Variants in PIEZO1 observed in about 807,000 individuals in gnomAD.
PIEZO1 encodes piezo type mechanosensitive ion channel component 1 (Er blood group), also known as piezo-type mechanosensitive ion channel component 1.
PIEZO1 carries 296 observed loss-of-function variants against 297.2 expected under a neutral mutation model. That is an observed-to-expected ratio of 1.00 (90% CI 0.91 to 1.10). PIEZO1 has a LOEUF of 1.10. PIEZO1 is among the 50% of genes least tolerant of loss of function. The pLI is 0.00. For synonymous variants in PIEZO1, 2,427 were observed against 1,507.5 expected (o/e 1.61, Z -14.13); for missense variants, 5,018 against 3,455.5 (o/e 1.45, Z -11.34).
chr16:88,766,062 C>T (rs1428119746), intron 1 of PIEZO1, among the ~76,000 whole-genome samples: 6 of 152,178 alleles, frequency 3.9e-5, no homozygotes, highest in Non-Finnish European at 7.3e-5. Context: ...TGTTCTCAGT[C>T]GGCAGCGTGG....
chr16:88,722,469 T>A lies in PIEZO1; in HGVS notation c.4776-72A>T, dbSNP rs541258388. The stretch of plus-strand genomic sequence containing the variant: ...CCCCAGGCTACAGGGAGGGTCAGGG[T>A]GGAAAGTGCCCACGGTCCTTTGGGG... On this transcript the variant is annotated intron_variant, in intron 35 of 50. Coordinates refer to ENST00000301015, the MANE Select transcript of PIEZO1 (RefSeq NM_001142864.4). The A allele has an allele frequency of 4.8e-6, 7 of 1,445,796 alleles. No individual in the cohort carries two copies. In the South Asian group the frequency reaches 8.3e-5, roughly 17 times the overall value. The allele number at this position is 1,445,796 out of a possible 1,614,324, so 89.6% of individuals were successfully genotyped here.
At chr16:88,784,465 A>G (rs975591014) in intron 1 of PIEZO1, among the ~76,000 whole-genome samples, 1 of 150,508 alleles carries the variant, frequency 6.6e-6, no homozygotes, top group Non-Finnish European at 1.5e-5. Flanking sequence ...CCAGATTGTC[A>G]GGAAGTCCTG....
At chr16:88,721,114 C>G (rs1912404989) in intron 39 of PIEZO1, 52 bp downstream of exon 39, 2 of 1,436,162 alleles carry the variant, frequency 1.4e-6, no homozygotes, top group South Asian at 2.8e-5. Context: ...CCTGCAGTAG[C>G]CCCACTCAGA....
At chr16:88,737,698 G>T in intron 9 of PIEZO1, 30 bp downstream of exon 9, 1 of 1,533,316 alleles carries the variant, frequency 6.5e-7, no homozygotes, top group Non-Finnish European at 8.7e-7. Flanking sequence ...CGCCCCCCAC[G>T]CTGGCGTCTC....
At chr16:88,742,498 T>C (rs370278438) in intron 2 of PIEZO1, 76 bp from the exon 3 acceptor site, 4 of 1,462,144 alleles carry the variant, frequency 2.7e-6, no homozygotes, top group African/African-American at 2.8e-5. Flanking sequence ...AGCCGGACAA[T>C]AGCCCCCAGC....
Position 88,742,451 on chromosome 16 carries a change from T to C in PIEZO1, c.161-29A>G, listed in dbSNP as rs1464420555. 2.2e-5 allele frequency: 34 copies of C among 1,532,136 alleles called. No individual in the cohort carries two copies. The East Asian group carries it at 8.3e-4, about 37-fold the overall frequency. 94.9% of individuals were successfully genotyped at this position (1,532,136 alleles called of 1,614,324 possible). ...CGGCAGAGCGAGTGGGTGAGGCTGG[T>C]CCCGGGGACGGGGAGGGGCCGCAGC... On this transcript the variant is annotated intron_variant, in intron 2 of 50. Coordinates refer to ENST00000301015, the MANE Select transcript of PIEZO1 (RefSeq NM_001142864.4).
At chr16:88,775,107 C>T (rs910037731) in intron 1 of PIEZO1, among the ~76,000 whole-genome samples, 4 of 152,174 alleles carry the variant, frequency 2.6e-5, no homozygotes, top group East Asian at 1.9e-4. Flanking sequence ...CAGGACGTAA[C>T]GGAGTGAGGG....
Position 88,736,710 on chromosome 16 carries a change from C to T in PIEZO1, c.1225G>A (p.Ala409Thr). ...TGGCCCAGGCTGTGGAGCGGAGACGCCTCCCTGGGCTCAGCCCGCTTGGGC... is the reference window on the plus strand; with the variant it reads ...TGGCCCAGGCTGTGGAGCGGAGACGTCTCCCTGGGCTCAGCCCGCTTGGGC... ...VRPKRAEPRE[A>T]SPLHSLGHLI... Residue 409 changes from alanine (A) to threonine (T), a missense_variant, in exon 11 of 51, where the codon GCG becomes ACG. By Grantham distance (58) the Ala-to-Thr change is moderately conservative. Coordinates refer to ENST00000301015, the MANE Select transcript of PIEZO1 (RefSeq NM_001142864.4). 6.5e-7 allele frequency: 1 copy of T among 1,532,624 alleles called. No individual in the cohort carries two copies. The highest frequency in any genetic ancestry group is 8.7e-7 in the Non-Finnish European group (1 of 1,145,314). The allele number at this position is 1,532,624 out of a possible 1,614,324, so 94.9% of individuals were successfully genotyped here.
intron 16 of PIEZO1, 42 bp downstream of exon 16, chr16:88,734,314 G>C (rs773734194): frequency 1.4e-6 from 2 of 1,460,194 alleles, no homozygotes; most frequent in East Asian, 5.0e-5. Context: ...GGCCCAGGAG[G>C]CTACACCTCT....
chr16:88,727,621 G>C lies in PIEZO1; in HGVS notation c.3237C>G (p.Ser1079=). The C allele has an allele frequency of 6.6e-7, 1 of 1,522,654 alleles. No individual in the cohort carries two copies. Among genetic ancestry groups the C allele is most frequent in the Non-Finnish European group, 8.9e-7 (1 of 1,129,170 alleles). The allele number at this position is 1,522,654 out of a possible 1,614,324, so 94.3% of individuals were successfully genotyped here. Residue 1079 remains serine, a synonymous_variant, in exon 23 of 51, where the codon TCC becomes TCG. Coordinates refer to ENST00000301015, the MANE Select transcript of PIEZO1 (RefSeq NM_001142864.4). The part of the protein sequence containing the change: ...WRWSRAVPMN[S]ALIKWLYLPD... ...GCAGGTACAGCCACTTGATGAGTGC[G>C]GAGTTCATGGGGACGGCCCGGCTCC...
rs1292789528 is a variant in PIEZO1 at position 88,725,456 on chromosome 16, G to T, written c.4122C>A (p.Pro1374=). The change falls in exon 29 of 51, where the codon CCC becomes CCA. Residue 1374 remains proline (P), a synonymous_variant. Transcript: ENST00000301015. The stretch of plus-strand genomic sequence containing the variant: ...GGTCCTTGGGGCCCAGGGTGTCCTG[G>T]GGGCGACTGCGGTCCACCCGGCCCT... ...HRQGRVDRSR[P]QDTLGPKDPG... is the part of the protein sequence containing the mutation. The T allele has an allele frequency of 1.1e-5, 17 of 1,499,960 alleles. No individual in the cohort carries two copies. The East Asian group carries it at 4.0e-4, about 35-fold the overall frequency. The allele number at this position is 1,499,960 out of a possible 1,614,324, so 92.9% of individuals were successfully genotyped here.
At chr16:88,766,332 G>C (rs565587727) in intron 1 of PIEZO1, among the ~76,000 whole-genome samples, 4 of 152,136 alleles carry the variant, frequency 2.6e-5, no homozygotes, top group African/African-American at 4.8e-5. Context: ...GCCTGGACTC[G>C]AGACTGCAAC....
intron 5 of PIEZO1, chr16:88,738,999 C>G: frequency 1.8e-6 from 1 of 552,626 alleles, no homozygotes; most frequent in Non-Finnish European, 3.3e-6. Context: ...AGGGTCTGTC[C>G]TGCCAAGCCC....
rs1229756917 is a variant in PIEZO1 at position 88,733,588 on chromosome 16, C to G, written c.2487G>C (p.Glu829Asp). The stretch of plus-strand genomic sequence containing the variant: ...AAGCTGAGTTGCCTGCCACACTCAC[C>G]TCCTTCAGGGCCACCCAGACGGTGT... Reference protein sequence around the residue: ...ALYTVWVALKEVSVMNLLLVV... With the variant: ...ALYTVWVALKDVSVMNLLLVV... The change falls in exon 18 of 51, where the codon GAG becomes GAC. Residue 829 changes from glutamate to aspartate, a missense_variant and splice_region_variant. Physicochemically the swap from Glu to Asp is conservative, Grantham distance 45 (BLOSUM62 2). Coordinates refer to ENST00000301015, the MANE Select transcript of PIEZO1 (RefSeq NM_001142864.4). 5.2e-6 allele frequency: 8 copies of G among 1,540,090 alleles called. No homozygotes were observed. The highest frequency in any genetic ancestry group is 7.0e-6 in the Non-Finnish European group (8 of 1,139,968).
rs1320156161 is a variant in PIEZO1 at position 88,738,420 on chromosome 16, G to C, written c.655C>G (p.Leu219Val). Residue 219 changes from leucine (L) to valine (V), a missense_variant, in exon 7 of 51, where the codon CTC becomes GTC. Leu to Val is a conservative substitution (Grantham distance 32, BLOSUM62 1). Transcript: ENST00000301015. ...ALAGIAHPSA[L>V]SSVYLLLFLA... ...AAGAGCAGCAGGTAGACACTGGAGA[G>C]GGCCGAGGGGTGGGCGATGCCTGCG... 2.0e-6 allele frequency: 3 copies of C among 1,535,732 alleles called. No individual in the cohort carries two copies. The highest frequency in any genetic ancestry group is 4.9e-5 in the East Asian group (2 of 40,932).
rs1217526008 is a variant in PIEZO1, at chr16:88,719,564, G to T, written c.6471+10C>A. On this transcript the variant is annotated intron_variant, in intron 44 of 50. Transcript: ENST00000301015. ...GCCCTTGTCCCGGCCCCCGCCCTGG[G>T]CCCAGGCACCTTCTCTGTCTCTCGG... The T allele has an allele frequency of 6.5e-7, 1 of 1,550,076 alleles. No homozygotes were observed. Among genetic ancestry groups the T allele is most frequent in the Admixed American group, 2.0e-5 (1 of 51,002 alleles).
At chr16:88,744,749 G>A (rs1905929228) in intron 2 of PIEZO1, among the ~76,000 whole-genome samples, 1 of 151,970 alleles carries the variant, frequency 6.6e-6, no homozygotes. Flanking sequence ...CCCTCCGCAG[G>A]GTCGAAGGGG....
Position 88,725,515 on chromosome 16 carries a change from C to A in PIEZO1, c.4063G>T (p.Glu1355Ter). The change falls in exon 29 of 51, where the codon GAG becomes TAG. Residue 1355 changes from glutamate (E) to a stop codon, truncating the protein, a stop_gained. Transcript: ENST00000301015. LOFTEE classifies it high-confidence loss of function. ...KSLAQLKRQM[E>*]RIRAKQEKHR... ...TTCTCCTGCTTGGCACGGATACGCT[C>A]CATCCTGTGGTGGGGAAAGGTGGGG... The A allele has an allele frequency of 6.5e-7, 1 of 1,536,612 alleles. No homozygotes were observed. The highest frequency in any genetic ancestry group is 8.8e-7 in the Non-Finnish European group (1 of 1,138,672).
In PIEZO1 at chr16:88,726,738, T is replaced by C. The variant is rs928741600; in HGVS notation, c.3676A>G (p.Ile1226Val). The change falls in exon 25 of 51, where the codon ATC becomes GTC. Residue 1226 changes from isoleucine (I) to valine (V), a missense_variant. Physicochemically the swap from Ile to Val is conservative, Grantham distance 29. Transcript: ENST00000301015. ...ACCGACAGCATGTTCTTGGAGATGA[T>C]GACGGTGACGTTGTACAGAATGAGG... ...DCLILYNVTV[I>V]ISKNMLSLLA... is the part of the protein sequence containing the mutation. 13 of 1,549,770 alleles carry C rather than the reference T, an allele frequency of 8.4e-6. No individual in the cohort carries two copies. Among genetic ancestry groups the C allele is most frequent in the Admixed American group, 5.9e-5 (3 of 50,982 alleles).
Sources: allele counts gnomAD v4.1 joint callset (sites outside exome capture counted in the v4.1 genomes callset), GRCh38; gene constraint gnomAD v4.1.1; transcripts MANE v1.5; gene names NCBI Gene and HGNC (gene_info 2026-07-23, HGNC 2026-07-21).